PPARGC1A: variants seen among roughly 807,000 people sequenced by gnomAD.
The protein encoded by PPARGC1A is peroxisome proliferator-activated receptor gamma coactivator 1-alpha.
Under a neutral mutation model 88.7 loss-of-function variants are expected in PPARGC1A, and 25 were observed. The observed-to-expected ratio is 0.28, with a 90% confidence interval of 0.21 to 0.39. PPARGC1A has a LOEUF of 0.39. Among genes scored for constraint, PPARGC1A ranks in the 10% least tolerant of loss-of-function variants. PPARGC1A has a pLI of 1.00. For synonymous variants in PPARGC1A, 363 were observed against 355.6 expected (o/e 1.02, Z -0.24); for missense variants, 880 against 968.7 (o/e 0.91, Z 1.22).
At chr4:23,838,414 A>C (rs1726431229) in intron 2 of PPARGC1A, among the ~76,000 whole-genome samples, 1 of 152,264 alleles carries the variant, frequency 6.6e-6, no homozygotes, top group Admixed American at 6.5e-5. Context: ...TAACCCAATT[A>C]CTTTTTGTTT....
At chr4:24,188,341 A>T in the PPARGC1A span, among the ~76,000 whole-genome samples, 7 of 152,208 alleles carry the variant, frequency 4.6e-5, no homozygotes, top group Admixed American at 1.3e-4. Context: ...CAAGGACTCC[A>T]TCTTCACATC....
At chr4:23,872,376 T>G (rs955403625) in intron 2 of PPARGC1A, among the ~76,000 whole-genome samples, 1 of 152,188 alleles carries the variant, frequency 6.6e-6, no homozygotes, top group Non-Finnish European at 1.5e-5. Context: ...TTTAATATAC[T>G]GTGTGTAGGA....
At chr4:24,359,668 T>C in the PPARGC1A span, among the ~76,000 whole-genome samples, 123 of 152,218 alleles carry the variant, frequency 8.1e-4, 1 homozygote, top group African/African-American at 2.7e-3. Flanking sequence ...CAATGACTGG[T>C]GTCCTTATCA....
the PPARGC1A span, among the ~76,000 whole-genome samples, chr4:24,378,110 G>A: frequency 2.6e-5 from 4 of 152,182 alleles, no homozygotes; most frequent in African/African-American, 9.7e-5. Context: ...GCTGAGGTGG[G>A]TAGATCACCT....
At chr4:23,922,869 T>C in the PPARGC1A span, among the ~76,000 whole-genome samples, 1 of 152,202 alleles carries the variant, frequency 6.6e-6, no homozygotes, top group Non-Finnish European at 1.5e-5. Flanking sequence ...GGCAAGGTGA[T>C]TTATCACTGA....
At chr4:24,236,102 G>A in the PPARGC1A span, among the ~76,000 whole-genome samples, 173 of 152,222 alleles carry the variant, frequency 1.1e-3, 2 homozygotes, top group African/African-American at 4.0e-3. Context: ...AAACGAAATT[G>A]GTATACATAC....
At chr4:24,246,797 C>T in the PPARGC1A span, among the ~76,000 whole-genome samples, 1 of 152,176 alleles carries the variant, frequency 6.6e-6, no homozygotes, top group Non-Finnish European at 1.5e-5. Context: ...ACTCCTTCTC[C>T]TGCTCCATGG....
chr4:24,261,678 G>A, the PPARGC1A span, among the ~76,000 whole-genome samples: 2 of 152,100 alleles, frequency 1.3e-5, no homozygotes, highest in Non-Finnish European at 2.9e-5. Context: ...CACCACTTTT[G>A]TGAATTGTAA....
the PPARGC1A span, among the ~76,000 whole-genome samples, chr4:24,138,946 C>T: frequency 1.3e-5 from 2 of 152,128 alleles, no homozygotes; most frequent in African/African-American, 4.8e-5. Context: ...TGTCCTTTAA[C>T]TTCTTATGTT....
upstream of PPARGC1A, among the ~76,000 whole-genome samples, chr4:23,906,441 T>C (rs943833853): frequency 3.3e-5 from 5 of 151,896 alleles, no homozygotes; most frequent in African/African-American, 1.2e-4. Flanking sequence ...GGTGAAACCC[T>C]GTATCTACTA....
At chr4:24,467,030 G>GAAAGAAAGAAAGAAAGAAAGAA in the PPARGC1A span, among the ~76,000 whole-genome samples, 3 of 74,410 alleles carry the variant, frequency 4.0e-5, no homozygotes, top group Non-Finnish European at 8.9e-5. Flanking sequence ...AAGAAAGAAA[G>GAAAGAAAGAAAGAAAGAAAGAA]AGAAAGAGAG....
the PPARGC1A span, among the ~76,000 whole-genome samples, chr4:24,019,788 T>A: frequency 3.9e-5 from 6 of 152,300 alleles, no homozygotes; most frequent in African/African-American, 1.4e-4. Context: ...CCAAACCACA[T>A]AAATTGTCCA....
the PPARGC1A span, among the ~76,000 whole-genome samples, chr4:24,383,518 A>C: frequency 1.3e-5 from 2 of 152,198 alleles, no homozygotes; most frequent in Admixed American, 6.5e-5. Flanking sequence ...TAACCAGTTT[A>C]GAGAAGAACA....
chr4:24,433,320 T>G, the PPARGC1A span, among the ~76,000 whole-genome samples: 1 of 152,156 alleles, frequency 6.6e-6, no homozygotes, highest in African/African-American at 2.4e-5. Context: ...TCATTTAAAT[T>G]TTTTAATACC....
chr4:24,083,257 C>T, the PPARGC1A span, among the ~76,000 whole-genome samples: 1 of 152,164 alleles, frequency 6.6e-6, no homozygotes, highest in Non-Finnish European at 1.5e-5. Flanking sequence ...AATGCTTTGG[C>T]TGTCTCCCTA....
At chr4:24,084,378 G>T in the PPARGC1A span, among the ~76,000 whole-genome samples, 1 of 152,224 alleles carries the variant, frequency 6.6e-6, no homozygotes, top group Non-Finnish European at 1.5e-5. Context: ...AGCAACAGCC[G>T]CAGGCTGGTT....
intron 7 of PPARGC1A, 30 bp from the exon 8 acceptor site, chr4:23,814,635 A>AAGAG: frequency 7.7e-7 from 1 of 1,292,304 alleles, no homozygotes; most frequent in South Asian, 1.6e-5. Context: ...AAAAAAAAAA[A>AAGAG]AGAGAGAGAA....
the PPARGC1A span, among the ~76,000 whole-genome samples, chr4:24,223,612 G>A: frequency 6.6e-6 from 1 of 152,150 alleles, no homozygotes; most frequent in Admixed American, 6.5e-5. Flanking sequence ...ATGTATACAT[G>A]TAAAGTGGTG....
At chr4:24,238,837 G>A in the PPARGC1A span, among the ~76,000 whole-genome samples, 1 of 151,302 alleles carries the variant, frequency 6.6e-6, no homozygotes, top group South Asian at 2.1e-4. Flanking sequence ...CTAAGTGTAT[G>A]AGATTACATG....
Sources: gnomAD v4.1 joint callset for allele counts (sites outside exome capture counted in the v4.1 genomes callset) on GRCh38, gnomAD v4.1.1 for gene constraint, MANE v1.5 for transcripts, NCBI Gene and HGNC (gene_info 2026-07-23, HGNC 2026-07-21) for gene names.